UNC5D: variants seen among roughly 807,000 people sequenced by gnomAD.
UNC5D encodes the protein unc-5 netrin receptor D, also known as netrin receptor UNC5D.
In UNC5D, 39 loss-of-function variants were observed where a neutral mutation model predicts 105.4. That is an observed-to-expected ratio of 0.37 (90% CI 0.29 to 0.48). The LOEUF (loss-of-function observed/expected upper bound fraction) is 0.48, where lower values mean the gene tolerates loss of function less well. Among genes scored for constraint, UNC5D ranks in the 20% least tolerant of loss-of-function variants. The pLI, the probability that UNC5D is intolerant of heterozygous loss-of-function variation, is 0.98. For missense variants in UNC5D, 991 were observed against 1,202.4 expected (o/e 0.82, Z 2.60); for synonymous variants, 452 against 450.4 (o/e 1.00, Z -0.04).
chr8:35,713,224 C>T (rs1402834575), intron 8 of UNC5D, among the ~76,000 whole-genome samples: 4 of 152,242 alleles, frequency 2.6e-5, no homozygotes, highest in African/African-American at 7.2e-5. Context: ...TAAACTATTA[C>T]TAGTGTGTTC....
chr8:35,248,977 T>TA (rs1803461728), intron 1 of UNC5D, among the ~76,000 whole-genome samples: 1 of 88,142 alleles, frequency 1.1e-5, no homozygotes, highest in Middle Eastern at 8.5e-3. Context: ...TATTATATAT[T>TA]TTTATATAAT....
chr8:35,317,882 A>T (rs2128882866), intron 1 of UNC5D, among the ~76,000 whole-genome samples: 1 of 152,164 alleles, frequency 6.6e-6, no homozygotes, highest in East Asian at 1.9e-4. Flanking sequence ...TAGACAAGAC[A>T]ACTTAGTTCT....
intron 8 of UNC5D, among the ~76,000 whole-genome samples, chr8:35,715,000 A>C (rs1720041626): frequency 6.6e-6 from 1 of 152,146 alleles, no homozygotes; most frequent in South Asian, 2.1e-4. Flanking sequence ...AAAAATACAA[A>C]ATTAGCCGAG....
intron 1 of UNC5D, among the ~76,000 whole-genome samples, chr8:35,277,082 G>A (rs549828052): frequency 6.6e-6 from 1 of 152,260 alleles, no homozygotes; most frequent in Admixed American, 6.5e-5. Flanking sequence ...TATAAGCTCT[G>A]GAAAACTTTG....
intron 1 of UNC5D, among the ~76,000 whole-genome samples, chr8:35,313,706 A>G (rs4739401): frequency 0.82 from 124,754 of 152,118 alleles, 51,615 homozygotes; most frequent in East Asian, 1. Flanking sequence ...GCTCTGCCAC[A>G]TGGGAGCTAT....
intron 4 of UNC5D, among the ~76,000 whole-genome samples, chr8:35,608,916 GAT>G (rs1820498045): frequency 6.6e-6 from 1 of 151,922 alleles, no homozygotes; most frequent in Non-Finnish European, 1.5e-5. Flanking sequence ...TTGGCGGGTA[GAT>G]ACTCAGTAGT....
chr8:35,774,591 G>T (rs1802155528), intron 16 of UNC5D, 114 bp downstream of exon 16: 2 of 1,348,880 alleles, frequency 1.5e-6, no homozygotes, highest in Non-Finnish European at 1.0e-6. Flanking sequence ...AGTTCCTCTG[G>T]CCATATTTCC....
At chr8:35,659,430 A>G (rs1229671337) in intron 4 of UNC5D, among the ~76,000 whole-genome samples, 1 of 152,240 alleles carries the variant, frequency 6.6e-6, no homozygotes, top group Admixed American at 6.5e-5. Flanking sequence ...AACAAACATG[A>G]ACAAGGTAGA....
At chr8:35,702,860 T>C (rs987296760) in intron 7 of UNC5D, among the ~76,000 whole-genome samples, 3 of 152,124 alleles carry the variant, frequency 2.0e-5, no homozygotes, top group South Asian at 2.1e-4. Context: ...CATAGGAGGA[T>C]ACACACTGAT....
At chr8:35,601,060 C>T (rs1378909195) in intron 4 of UNC5D, among the ~76,000 whole-genome samples, 1 of 152,060 alleles carries the variant, frequency 6.6e-6, no homozygotes, top group Non-Finnish European at 1.5e-5. Flanking sequence ...ATAGGGAATC[C>T]TATCCCTATT....
At chr8:35,245,991 T>C (rs1396190509) in intron 1 of UNC5D, among the ~76,000 whole-genome samples, 5 of 152,178 alleles carry the variant, frequency 3.3e-5, no homozygotes, top group African/African-American at 9.6e-5. Flanking sequence ...GTGTCTCCCA[T>C]CTAACCCCCT....
intron 7 of UNC5D, among the ~76,000 whole-genome samples, chr8:35,696,873 C>G (rs904766165): frequency 6.6e-6 from 1 of 151,994 alleles, no homozygotes; most frequent in Non-Finnish European, 1.5e-5. Context: ...TAGTACAGGA[C>G]AGTGTTAGTG....
chr8:35,246,517 C>A (rs1803110785), intron 1 of UNC5D, among the ~76,000 whole-genome samples: 1 of 152,112 alleles, frequency 6.6e-6, no homozygotes. Context: ...GTTAGGCACC[C>A]TCTGCCATAG....
intron 5 of UNC5D, among the ~76,000 whole-genome samples, chr8:35,684,276 T>A (rs1166948865): frequency 6.6e-6 from 1 of 152,252 alleles, no homozygotes; most frequent in African/African-American, 2.4e-5. Flanking sequence ...ATTCAAATGC[T>A]GATATTTTCT....
chr8:35,404,111 G>T lies in UNC5D; in HGVS notation c.104-145181G>T, dbSNP rs1306128550. On this transcript the variant is annotated intron_variant, in intron 1 of 16. Transcript: ENST00000404895. The stretch of plus-strand genomic sequence containing the variant: ...ACAGCCTGTTATAGGACATGAAGTT[G>T]CTAGAGCCTCTCTTATATTGAAAAC... 2.0e-5 allele frequency among the ~76,000 whole-genome samples: 3 copies of T among 152,198 alleles called. No individual in the cohort carries two copies. The East Asian group carries it at 5.8e-4, about 29-fold the overall frequency.
At chr8:35,314,718 C>T (rs117251444) in intron 1 of UNC5D, among the ~76,000 whole-genome samples, 344 of 152,248 alleles carry the variant, frequency 2.3e-3, no homozygotes, top group Non-Finnish European at 3.8e-3. Flanking sequence ...GGGTTGACTA[C>T]AGCACTGTAA....
At chr8:35,296,996 A>G (rs540958806) in intron 1 of UNC5D, among the ~76,000 whole-genome samples, 5 of 152,218 alleles carry the variant, frequency 3.3e-5, no homozygotes, top group Non-Finnish European at 7.3e-5. Flanking sequence ...TCCTAAATAT[A>G]AAATCACTTC....
At chr8:35,471,838 G>C (rs555766543) in intron 1 of UNC5D, among the ~76,000 whole-genome samples, 6 of 152,282 alleles carry the variant, frequency 3.9e-5, no homozygotes, top group African/African-American at 1.4e-4. Context: ...AAGATCCATT[G>C]AGTTATTAAA....
intron 4 of UNC5D, among the ~76,000 whole-genome samples, chr8:35,609,117 G>A (rs1851623303): frequency 6.6e-6 from 1 of 152,040 alleles, no homozygotes; most frequent in African/African-American, 2.4e-5. Flanking sequence ...GTATAACACT[G>A]TGGTATTTCA....
Sources: allele counts gnomAD v4.1 joint callset (sites outside exome capture counted in the v4.1 genomes callset), GRCh38; gene constraint gnomAD v4.1.1; transcripts MANE v1.5; gene names NCBI Gene and HGNC (gene_info 2026-07-23, HGNC 2026-07-21).